The following SORCS1 variants were observed in gnomAD, a reference collection of about 807,000 sequenced individuals.
SORCS1 encodes the protein VPS10 domain-containing receptor SorCS1.
Under a neutral mutation model 146.1 loss-of-function variants are expected in SORCS1, and 60 were observed. The observed-to-expected ratio is 0.41, with a 90% CI of 0.33 to 0.51. The LOEUF is 0.51. Among genes scored for constraint, SORCS1 ranks in the 20% least tolerant of loss-of-function variants. The probability of loss-of-function intolerance (pLI) is 0.21; values close to 1 mark genes in which losing one functional copy is unlikely to be tolerated. For missense variants in SORCS1, 1,352 were observed against 1,487.6 expected, an observed-to-expected ratio of 0.91 and a Z score of 1.50; for synonymous variants, 637 against 584.0, an observed-to-expected ratio of 1.09 and a Z score of -1.31.
rs1335607209 is a variant in SORCS1, at chr10:106,706,585, G to T, written c.1193C>A (p.Ala398Glu). ...PHYYVSYRRN[A>E]FAQMKLPKYA... ...TTTCGGAAGCTTCATTTGGGCAAAT[G>T]CATTCCTTCGGTAGGACACGTAGTA... The change falls in exon 8 of 26, where the codon GCA (alanine) becomes GAA (glutamate). Residue 398 changes from alanine to glutamate, a missense_variant. Transcript: ENST00000263054. 6.2e-7 allele frequency: 1 copy of T among 1,614,170 alleles called. No homozygotes were observed. The highest frequency in any genetic ancestry group is 8.5e-7 in the Non-Finnish European group (1 of 1,180,014).
chr10:107,083,965 T>C (rs1364296544), intron 1 of SORCS1, among the ~76,000 whole-genome samples: 1 of 152,194 alleles, frequency 6.6e-6, no homozygotes, highest in Admixed American at 6.5e-5. Context: ...TACTCTGACA[T>C]ATCCTTCCAT....
chr10:107,070,723 G>A (rs55800163), intron 1 of SORCS1, among the ~76,000 whole-genome samples: 1,567 of 152,146 alleles, frequency 0.01, 15 homozygotes, highest in South Asian at 0.028. Context: ...AAATTTCACA[G>A]TAAAATTTCA....
At chr10:106,623,961 A>G (rs1013568387) in intron 19 of SORCS1, among the ~76,000 whole-genome samples, 2 of 152,202 alleles carry the variant, frequency 1.3e-5, no homozygotes, top group African/African-American at 4.8e-5. Context: ...CTGGGACTAC[A>G]GGCGTGAGTC....
At chr10:106,810,787 C>T (rs1947418424) in intron 3 of SORCS1, among the ~76,000 whole-genome samples, 1 of 152,136 alleles carries the variant, frequency 6.6e-6, no homozygotes, top group African/African-American at 2.4e-5. Context: ...CTGTGGCTAC[C>T]CATTTCCTTA....
intron 22 of SORCS1, among the ~76,000 whole-genome samples, chr10:106,610,132 G>C (rs571015119): frequency 6.6e-6 from 1 of 152,106 alleles, no homozygotes; most frequent in Non-Finnish European, 1.5e-5. Flanking sequence ...GATGCTGAAA[G>C]CCATAGAGAC....
intron 3 of SORCS1, among the ~76,000 whole-genome samples, chr10:106,818,673 G>A (rs1947864604): frequency 6.6e-6 from 1 of 152,146 alleles, no homozygotes; most frequent in Non-Finnish European, 1.5e-5. Context: ...GGTTTAATTA[G>A]CATAGTAAGA....
At chr10:106,712,027 G>A (rs928070972) in intron 6 of SORCS1, among the ~76,000 whole-genome samples, 6 of 152,132 alleles carry the variant, frequency 3.9e-5, no homozygotes, top group African/African-American at 1.4e-4. Flanking sequence ...TCATCTTCCT[G>A]AGTCTTGCTG....
At chr10:106,682,466 A>T (rs971329594) in intron 10 of SORCS1, among the ~76,000 whole-genome samples, 1 of 152,262 alleles carries the variant, frequency 6.6e-6, no homozygotes, top group African/African-American at 2.4e-5. Context: ...AGGAAAAAAC[A>T]GTGTGAAGTG....
At chr10:106,773,001 T>C (rs1338539830) in intron 4 of SORCS1, among the ~76,000 whole-genome samples, 3 of 150,696 alleles carry the variant, frequency 2.0e-5, no homozygotes, top group Non-Finnish European at 4.4e-5. Context: ...AGACGGAGAG[T>C]ATGCCTTAAA....
At chr10:106,987,474 C>G (rs564778053) in intron 1 of SORCS1, among the ~76,000 whole-genome samples, 8 of 152,320 alleles carry the variant, frequency 5.3e-5, no homozygotes, top group African/African-American at 1.7e-4. Flanking sequence ...TGGGACTTCT[C>G]CACAATCTCT....
intron 1 of SORCS1, among the ~76,000 whole-genome samples, chr10:107,162,618 A>G (rs1404539873): frequency 6.6e-6 from 1 of 152,206 alleles, no homozygotes; most frequent in African/African-American, 2.4e-5. Context: ...AGATACATCA[A>G]TGCTAAATAT....
the SORCS1 span, among the ~76,000 whole-genome samples, chr10:107,173,745 A>T: frequency 1.1e-4 from 17 of 152,300 alleles, no homozygotes; most frequent in East Asian, 3.1e-3. Flanking sequence ...TTCAAGGTTC[A>T]TGTTGTAGTA....
intron 1 of SORCS1, among the ~76,000 whole-genome samples, chr10:106,993,075 C>T (rs1374536900): frequency 1.3e-5 from 2 of 152,088 alleles, no homozygotes; most frequent in South Asian, 2.1e-4. Context: ...CGTGATCTGC[C>T]GGCCTCGGCC....
intron 24 of SORCS1, among the ~76,000 whole-genome samples, chr10:106,585,480 G>C (rs371706139): frequency 2.6e-5 from 4 of 152,188 alleles, no homozygotes; most frequent in South Asian, 4.2e-4. Context: ...AGCTCAATCT[G>C]GTGATGGCTC....
At chr10:107,074,515 A>T (rs755282555) in intron 1 of SORCS1, among the ~76,000 whole-genome samples, 4 of 152,198 alleles carry the variant, frequency 2.6e-5, no homozygotes, top group Non-Finnish European at 5.9e-5. Flanking sequence ...AGTGGTGTAC[A>T]AGTTTTCGTG....
chr10:106,714,317 T>C (rs1855210924), intron 6 of SORCS1, among the ~76,000 whole-genome samples: 1 of 151,770 alleles, frequency 6.6e-6, no homozygotes, highest in Non-Finnish European at 1.5e-5. Context: ...GAAAAAGAAC[T>C]TAATAAACTA....
intron 19 of SORCS1, among the ~76,000 whole-genome samples, chr10:106,623,539 C>G (rs565757943): frequency 6.6e-6 from 1 of 152,002 alleles, no homozygotes; most frequent in Admixed American, 6.5e-5. Flanking sequence ...CCACCACGCC[C>G]GGCTGAGCAT....
chr10:107,075,924 T>C (rs1962845831), intron 1 of SORCS1, among the ~76,000 whole-genome samples: 1 of 152,104 alleles, frequency 6.6e-6, no homozygotes, highest in South Asian at 2.1e-4. Context: ...TCACCAGCCA[T>C]ATCAGCTGAC....
At chr10:106,642,279 G>T (rs1490117457) in intron 18 of SORCS1, among the ~76,000 whole-genome samples, 1 of 152,162 alleles carries the variant, frequency 6.6e-6, no homozygotes, top group Non-Finnish European at 1.5e-5. Flanking sequence ...AAAAAATATT[G>T]TTAACAACTT....
Sources: gnomAD v4.1 joint callset for allele counts (sites outside exome capture counted in the v4.1 genomes callset) on GRCh38, gnomAD v4.1.1 for gene constraint, MANE v1.5 for transcripts, NCBI Gene and HGNC (gene_info 2026-07-23, HGNC 2026-07-21) for gene names.